HSPA14: variants seen among roughly 807,000 people sequenced by gnomAD.
HSPA14 encodes the protein heat shock 70 kDa protein 14.
In HSPA14, 37 loss-of-function variants were observed where a neutral mutation model predicts 65.5. That is an observed-to-expected ratio of 0.56 (90% confidence interval 0.43 to 0.74). HSPA14 has a LOEUF of 0.74. HSPA14 is among the 30% of genes least tolerant of loss of function. The pLI is 0.00. For missense variants in HSPA14, 564 were observed against 607.6 expected, an observed-to-expected ratio of 0.93 and a Z score of 0.75; for synonymous variants, 203 against 214.2, an observed-to-expected ratio of 0.95 and a Z score of 0.46.
At position 14,848,774 on chromosome 10, in the gene HSPA14, G is replaced by T. The variant is rs762245443; in HGVS notation, c.271-16G>T. 1 of 1,463,334 alleles carries T rather than the reference G, an allele frequency of 6.8e-7. No homozygotes were observed. Among genetic ancestry groups the T allele is most frequent in the Non-Finnish European group, 9.4e-7 (1 of 1,061,420 alleles). The allele number at this position is 1,463,334 out of a possible 1,614,324, so 90.6% of individuals were successfully genotyped here. A position where few individuals can be genotyped will look rare whatever the true frequency, so the allele number is the denominator to read the frequency against. ...TAAAAATTATTTATTTAGCATAATT[G>T]TAATTTATTTTATAGGTCATTGAAA... is the stretch of plus-strand genomic sequence containing the variant. On this transcript the variant is annotated splice_polypyrimidine_tract_variant and intron_variant, in intron 4 of 13. Coordinates refer to ENST00000378372, the MANE Select transcript of HSPA14 (RefSeq NM_016299.4).
chr10:14,862,888 C>T (rs1160675306), intron 10 of HSPA14, among the ~76,000 whole-genome samples: 2 of 151,732 alleles, frequency 1.3e-5, no homozygotes, highest in Admixed American at 6.6e-5. Flanking sequence ...TTCACCATGT[C>T]GCCCAGGCTA....
chr10:14,843,227 G>T, intron 3 of HSPA14: 4 of 1,039,028 alleles, frequency 3.8e-6, no homozygotes, highest in Non-Finnish European at 5.6e-6. Flanking sequence ...CCAGATTAAG[G>T]AAATGGATTC....
In HSPA14 at chr10:14,838,360, T is replaced by C. The variant is rs1406998267; in HGVS notation, c.-43T>C. 1 of 1,568,238 alleles carries C rather than the reference T, an allele frequency of 6.4e-7. No individual in the cohort carries two copies. The highest frequency in any genetic ancestry group is 8.6e-7 in the Non-Finnish European group (1 of 1,158,992). On this transcript the variant is annotated 5_prime_UTR_variant, in exon 1 of 14. Coordinates refer to ENST00000378372, the MANE Select transcript of HSPA14 (RefSeq NM_016299.4). The stretch of plus-strand genomic sequence containing the variant: ...TTGGGCGGCCGGTAGCTGTTGCTGT[T>C]GGGGGACCCCCTCATTCCTGCCGCT...
intron 3 of HSPA14, chr10:14,845,990 A>G (rs1834045743): frequency 1.1e-6 from 1 of 934,758 alleles, no homozygotes; most frequent in East Asian, 1.2e-4. Flanking sequence ...CGAAATTTTA[A>G]TTGTAATATT....
chr10:14,863,767 G>A (rs1010812579), intron 10 of HSPA14, among the ~76,000 whole-genome samples: 3 of 152,046 alleles, frequency 2.0e-5, no homozygotes, highest in Admixed American at 1.3e-4. Flanking sequence ...AAAGAAATAG[G>A]GAGTTTAATC....
rs1319528146 is a variant in HSPA14 at position 14,854,339 on chromosome 10, A to G, written c.890+59A>G. On this transcript the variant is annotated intron_variant, in intron 9 of 13. Transcript: ENST00000378372. ...ATTCCAAGAACATGTTTGTTTAGGT[A>G]TAATTTTCTTACTTTGGGTTTTTTG... The G allele has an allele frequency of 1.9e-5, 26 of 1,378,342 alleles. No homozygotes were observed. The East Asian group carries it at 6.1e-4, about 32-fold the overall frequency. The allele number at this position is 1,378,342 out of a possible 1,614,324, so 85.4% of individuals were successfully genotyped here. A position where few individuals can be genotyped will look rare whatever the true frequency, so the allele number is the denominator to read the frequency against.
chr10:14,859,914 G>A (rs1216187541), intron 10 of HSPA14, among the ~76,000 whole-genome samples: 2 of 152,038 alleles, frequency 1.3e-5, no homozygotes, highest in Non-Finnish European at 2.9e-5. Context: ...CTTACATAAA[G>A]TCTCATTTTT....
intron 1 of HSPA14, 62 bp from the exon 2 acceptor site, chr10:14,839,843 G>A: frequency 8.3e-7 from 1 of 1,208,444 alleles, no homozygotes; most frequent in Non-Finnish European, 1.2e-6. Flanking sequence ...TAACACTGGT[G>A]CACAAATGCA....
intron 12 of HSPA14, among the ~76,000 whole-genome samples, chr10:14,868,695 A>G (rs1469852839): frequency 6.6e-6 from 1 of 152,202 alleles, no homozygotes; most frequent in East Asian, 1.9e-4. Context: ...CAGAAACTTC[A>G]CAGTAGGTAA....
At chr10:14,851,077 C>G (rs1304817544) in intron 6 of HSPA14, 142 bp from the exon 7 acceptor site, 9 of 587,622 alleles carry the variant, frequency 1.5e-5, no homozygotes, top group Non-Finnish European at 2.1e-5. Context: ...TTTCTATATT[C>G]TTGCTTCTAA....
chr10:14,847,624 T>C (rs1834071069), intron 3 of HSPA14, among the ~76,000 whole-genome samples: 1 of 152,324 alleles, frequency 6.6e-6, no homozygotes, highest in African/African-American at 2.4e-5. Flanking sequence ...AATTAGTCCA[T>C]TTTAAACCCC....
rs752290261 is a variant in HSPA14, at chr10:14,855,935, A to G, written c.985A>G (p.Ile329Val). Residue 329 changes from isoleucine (I) to valine (V), a missense_variant, in exon 10 of 14, where the codon ATC becomes GTC. Ile to Val is a conservative substitution (Grantham distance 29). Coordinates refer to ENST00000378372, the MANE Select transcript of HSPA14 (RefSeq NM_016299.4). Reference protein sequence around the residue: ...LDQNGFTADDINKVVLCGGSS... With the variant: ...LDQNGFTADDVNKVVLCGGSS... ...TCAAAATGGATTTACAGCAGATGAT[A>G]TCAACAAGGTAATGCTTTTACATTT... 2 of 1,545,566 alleles carry G rather than the reference A, an allele frequency of 1.3e-6. No homozygotes were observed.
intron 10 of HSPA14, among the ~76,000 whole-genome samples, chr10:14,861,838 A>C (rs1832752193): frequency 6.6e-6 from 1 of 151,674 alleles, no homozygotes; most frequent in South Asian, 2.1e-4. Flanking sequence ...ATGGTGAAAC[A>C]CCGTCTCTAC....
chr10:14,859,461 C>T (rs917364925), intron 10 of HSPA14, among the ~76,000 whole-genome samples: 1 of 152,202 alleles, frequency 6.6e-6, no homozygotes, highest in East Asian at 1.9e-4. Context: ...GATTTCTCTT[C>T]CATTTATTTT....
intron 10 of HSPA14, among the ~76,000 whole-genome samples, chr10:14,863,714 C>T (rs1385467671): frequency 6.6e-6 from 1 of 152,138 alleles, no homozygotes; most frequent in East Asian, 1.9e-4. Context: ...CCTTCTCTGC[C>T]TCTCTCACTC....
chr10:14,852,620 C>G, intron 8 of HSPA14, 89 bp downstream of exon 8: 1 of 1,078,676 alleles, frequency 9.3e-7, no homozygotes. Context: ...TTAAGTTATC[C>G]TGCTGCAAAG....
At chr10:14,857,499 A>G (rs1371859318) in intron 10 of HSPA14, among the ~76,000 whole-genome samples, 1 of 152,116 alleles carries the variant, frequency 6.6e-6, no homozygotes, top group African/African-American at 2.4e-5. Flanking sequence ...TTTATATTTC[A>G]TTGGTTACTA....
At chr10:14,854,589 T>G (rs1162965310) in intron 9 of HSPA14, among the ~76,000 whole-genome samples, 1 of 152,232 alleles carries the variant, frequency 6.6e-6, no homozygotes, top group Non-Finnish European at 1.5e-5. Context: ...GTCTTTGTGT[T>G]GCATATTTGC....
chr10:14,856,383 C>T (rs373514565), intron 10 of HSPA14, among the ~76,000 whole-genome samples: 2 of 152,134 alleles, frequency 1.3e-5, no homozygotes, highest in Non-Finnish European at 2.9e-5. Context: ...CAAGATCACA[C>T]GGTAAGTAGT....
Sources: gnomAD v4.1 joint callset for allele counts (sites outside exome capture counted in the v4.1 genomes callset) on GRCh38, gnomAD v4.1.1 for gene constraint, MANE v1.5 for transcripts, NCBI Gene and HGNC (gene_info 2026-07-23, HGNC 2026-07-21) for gene names.